WDR88: variants seen among roughly 807,000 people sequenced by gnomAD.
The protein encoded by WDR88 is WD repeat domain 88.
Under a neutral mutation model 46.8 loss-of-function variants are expected in WDR88, and 40 were observed. The ratio of observed to expected loss-of-function variants is 0.86; its 90% CI spans 0.66 to 1.11. The LOEUF (loss-of-function observed/expected upper bound fraction) is 1.11, where lower values mean the gene tolerates loss of function less well. WDR88 is among the 50% of genes most tolerant of loss of function. WDR88 has a pLI of 0.00. For synonymous variants in WDR88, 235 were observed against 240.7 expected, an observed-to-expected ratio of 0.98 and a Z score of 0.22; for missense variants, 562 against 602.4, an observed-to-expected ratio of 0.93 and a Z score of 0.70.
chr19:33,132,566 C>T, intron 1 of WDR88, 121 bp downstream of exon 1: 1 of 1,415,586 alleles, frequency 7.1e-7, no homozygotes, highest in Non-Finnish European at 9.5e-7. Flanking sequence ...CCAGCGAGGC[C>T]CTAGGCCCAT....
chr19:33,153,980 T>C (rs1973685752), intron 6 of WDR88, among the ~76,000 whole-genome samples: 2 of 152,156 alleles, frequency 1.3e-5, no homozygotes, highest in South Asian at 4.1e-4. Context: ...AATCTGTAGG[T>C]TTATATATTT....
chr19:33,156,335 C>A lies in WDR88; in HGVS notation c.810-20C>A, dbSNP rs776467282. 2 of 1,611,956 alleles carry A rather than the reference C, an allele frequency of 1.2e-6. No individual in the cohort carries two copies. The highest frequency in any genetic ancestry group is 1.7e-6 in the Non-Finnish European group (2 of 1,178,986). Reference sequence around the variant, plus strand: ...CAGGAGCAAAGCGCTAATGTGTGCACCCCACCATCTGTGTTTCAGGGCACA... The same window carrying A: ...CAGGAGCAAAGCGCTAATGTGTGCAACCCACCATCTGTGTTTCAGGGCACA... On this transcript the variant is annotated intron_variant, in intron 6 of 10. Transcript: ENST00000355868.
In WDR88 at chr19:33,159,168, C is replaced by G. The variant is rs187852854; in HGVS notation, c.998-1246C>G. On this transcript the variant is annotated intron_variant, in intron 7 of 10. Coordinates refer to ENST00000355868, the MANE Select transcript of WDR88 (RefSeq NM_173479.4). ...CAACATAGTGAGACCCCATCTCTAC[C>G]AAAACAAAAAAAAAAAATTTAGCCA... Among the ~76,000 whole-genome samples the G allele has an allele frequency of 2.8e-3, 408 of 148,274 alleles. 2 individuals are homozygous for G. Among genetic ancestry groups the G allele is most frequent in the Middle Eastern group, 6.8e-3 (2 of 292 alleles).
intron 1 of WDR88, among the ~76,000 whole-genome samples, chr19:33,135,520 G>C (rs1174154890): frequency 1.3e-5 from 2 of 152,108 alleles, no homozygotes; most frequent in East Asian, 3.9e-4. Flanking sequence ...CCAGGTTCAA[G>C]CGATTCTCCA....
rs902564871 is a variant in WDR88, at chr19:33,148,796, A to G, written c.565A>G (p.Ile189Val). 6 of 1,614,032 alleles carry G rather than the reference A, an allele frequency of 3.7e-6. No individual in the cohort carries two copies. Among genetic ancestry groups the G allele is most frequent in the African/African-American group, 2.7e-5 (2 of 74,926 alleles). The change falls in exon 5 of 11, where the codon ATC becomes GTC. Residue 189 changes from isoleucine to valine, a missense_variant. Physicochemically the swap from Ile to Val is conservative, Grantham distance 29. Transcript: ENST00000355868. ...GTGGAAGGTCAGGTATGATACCTTC[A>G]TCGTCTCCTGTAAGTTTTCTCCTGA... ...LLWKVRYDTF[I>V]VSCKFSPDGK...
intron 1 of WDR88, among the ~76,000 whole-genome samples, chr19:33,133,191 ATAAATAT>A (rs1973169300): frequency 2.4e-5 from 1 of 42,070 alleles, no homozygotes; most frequent in South Asian, 5.6e-4. Context: ...AAATAAATAA[ATAAATAT>A]AGAGAGAGAG....
chr19:33,174,296 G>A, intron 10 of WDR88: 3 of 1,530,720 alleles, frequency 2.0e-6, no homozygotes, highest in South Asian at 1.2e-5. Flanking sequence ...GCCTGCCCCA[G>A]GTAGGGTTTA....
intron 2 of WDR88, among the ~76,000 whole-genome samples, chr19:33,139,773 A>T (rs1973351089): frequency 6.6e-6 from 1 of 152,130 alleles, no homozygotes; most frequent in South Asian, 2.1e-4. Flanking sequence ...ATAACTTCAT[A>T]CTTGCTCTTT....
At chr19:33,157,557 A>G (rs1247500931) in intron 7 of WDR88, among the ~76,000 whole-genome samples, 1 of 145,382 alleles carries the variant, frequency 6.9e-6, no homozygotes, top group African/African-American at 2.5e-5. Flanking sequence ...ATATGTGTAT[A>G]TATATATGTA....
chr19:33,150,540 A>G (rs1331309871), intron 5 of WDR88, among the ~76,000 whole-genome samples: 2 of 152,264 alleles, frequency 1.3e-5, no homozygotes, highest in Non-Finnish European at 2.9e-5. Context: ...GTTATGAACC[A>G]TACATTGCTG....
chr19:33,145,060 T>C, intron 3 of WDR88, 128 bp downstream of exon 3: 1 of 884,652 alleles, frequency 1.1e-6, no homozygotes. Context: ...TGGCCTAAGC[T>C]GGTCTCGAAC....
At chr19:33,147,518 G>A (rs889719603) in intron 3 of WDR88, 127 bp from the exon 4 acceptor site, 15 of 806,346 alleles carry the variant, frequency 1.9e-5, no homozygotes, top group East Asian at 5.9e-5. Context: ...CAGGAGGGTC[G>A]TTTGAACCTG....
rs1175481184 is a variant in WDR88, at chr19:33,151,257, G to T, written c.756G>T (p.Arg252Ser). 1.2e-6 allele frequency: 2 copies of T among 1,613,744 alleles called. No homozygotes were observed. The highest frequency in any genetic ancestry group is 2.2e-5 in the South Asian group (2 of 90,922). Reference protein sequence around the residue: ...SQRVASVSLDRCIKIWDVTSQ... With the variant: ...SQRVASVSLDSCIKIWDVTSQ... ...GGGTGGCTTCTGTCTCATTGGACAG[G>T]TGCATCAAGATCTGGGATGTTACAT... Residue 252 changes from arginine (R) to serine (S), a missense_variant, in exon 6 of 11, where the codon AGG (arginine) becomes AGT (serine). Coordinates refer to ENST00000355868, the MANE Select transcript of WDR88 (RefSeq NM_173479.4).
chr19:33,171,813 G>T (rs981555427), intron 9 of WDR88, among the ~76,000 whole-genome samples: 3 of 152,052 alleles, frequency 2.0e-5, no homozygotes, highest in Non-Finnish European at 4.4e-5. Flanking sequence ...TCACTCTGTC[G>T]CACAGGCTTG....
In WDR88 at chr19:33,137,748, G is replaced by C; in HGVS notation, c.348G>C (p.Lys116Asn). The C allele has an allele frequency of 6.2e-7, 1 of 1,613,816 alleles. No homozygotes were observed. Among genetic ancestry groups the C allele is most frequent in the Non-Finnish European group, 8.5e-7 (1 of 1,180,014 alleles). ...GCCACTTCTGTGTGGATGACACAAA[G>C]CTCCTCAGTGGCTCCTATGACTGCA... ...STCHFCVDDT[K>N]LLSGSYDCTV... The change falls in exon 2 of 11, where the codon AAG becomes AAC. Residue 116 changes from lysine (K) to asparagine (N), a missense_variant. Transcript: ENST00000355868.
At chr19:33,138,303 C>T (rs373298827) in intron 2 of WDR88, among the ~76,000 whole-genome samples, 2 of 152,122 alleles carry the variant, frequency 1.3e-5, no homozygotes, top group East Asian at 1.9e-4. Context: ...CCACCCACCT[C>T]GGCCTCCCGA....
At chr19:33,155,072 C>A (rs1973708600) in intron 6 of WDR88, among the ~76,000 whole-genome samples, 1 of 152,086 alleles carries the variant, frequency 6.6e-6, no homozygotes, top group South Asian at 2.1e-4. Context: ...CAAAAAGTGG[C>A]AAAATACAGA....
chr19:33,132,325 G>T lies in WDR88; in HGVS notation c.156G>T (p.Thr52=). The T allele has an allele frequency of 1.9e-6, 3 of 1,614,062 alleles. No homozygotes were observed. Among genetic ancestry groups the T allele is most frequent in the Non-Finnish European group, 2.5e-6 (3 of 1,180,026 alleles). ...GCTTCAAGCTGTCGATCCCGCACAC[G>T]CACCTGCTGGCCACCCTCGACCCCC... ...LGRFKLSIPH[T]HLLATLDPLA... Residue 52 remains threonine, a synonymous_variant, in exon 1 of 11, where the codon ACG becomes ACT. Coordinates refer to ENST00000355868, the MANE Select transcript of WDR88 (RefSeq NM_173479.4).
intron 5 of WDR88, 97 bp downstream of exon 5, chr19:33,149,007 CTG>C: frequency 6.4e-7 from 1 of 1,552,710 alleles, no homozygotes; most frequent in Non-Finnish European, 8.8e-7. Flanking sequence ...TTTGGTGAAA[CTG>C]TAATGGTATG....
Sources: gnomAD v4.1 joint callset for allele counts (sites outside exome capture counted in the v4.1 genomes callset) on GRCh38, gnomAD v4.1.1 for gene constraint, MANE v1.5 for transcripts, NCBI Gene and HGNC (gene_info 2026-07-23, HGNC 2026-07-21) for gene names.